Variants in HERC3 observed in about 807,000 individuals in gnomAD.
HERC3 encodes probable E3 ubiquitin-protein ligase HERC3.
HERC3 carries 58 observed loss-of-function variants against 129.9 expected under a neutral mutation model. That is an observed-to-expected ratio of 0.45 (90% CI 0.36 to 0.56). The LOEUF (loss-of-function observed/expected upper bound fraction) is 0.56, where lower values mean the gene tolerates loss of function less well. Ranked by LOEUF, HERC3 falls within the 20% of genes least tolerant of loss-of-function variation. The pLI, the probability that HERC3 is intolerant of heterozygous loss-of-function variation, is 0.00. For missense variants in HERC3, 835 were observed against 1,244.2 expected (o/e 0.67, Z 4.95); for synonymous variants, 430 against 451.0 (o/e 0.95, Z 0.59).
At chr4:88,648,819 C>A (rs1728963393) in intron 3 of HERC3, among the ~76,000 whole-genome samples, 1 of 151,452 alleles carries the variant, frequency 6.6e-6, no homozygotes, top group South Asian at 2.1e-4. Flanking sequence ...TATCTTTTTT[C>A]CCCTTCTGAT....
At chr4:88,641,435 A>G (rs1025349778) in intron 3 of HERC3, among the ~76,000 whole-genome samples, 2 of 152,250 alleles carry the variant, frequency 1.3e-5, no homozygotes, top group Admixed American at 1.3e-4. Flanking sequence ...GAAGATAAGT[A>G]CAAGGAAAGA....
intron 1 of HERC3, among the ~76,000 whole-genome samples, chr4:88,593,888 G>A (rs974915244): frequency 1.3e-5 from 2 of 152,192 alleles, no homozygotes; most frequent in Admixed American, 6.5e-5. Context: ...TTTACCCTGG[G>A]GGAGGAGGGA....
chr4:88,602,745 G>A (rs1371518232), intron 2 of HERC3, among the ~76,000 whole-genome samples: 1 of 152,152 alleles, frequency 6.6e-6, no homozygotes, highest in Non-Finnish European at 1.5e-5. Flanking sequence ...CTCCCAAAGT[G>A]TTAGGATCAC....
intron 23 of HERC3, chr4:88,689,997 A>G (rs1472504676): frequency 1.0e-6 from 1 of 985,250 alleles, no homozygotes; most frequent in African/African-American, 1.7e-5. Flanking sequence ...GCTTTGGGGA[A>G]AGTGAGCTAT....
At chr4:88,602,555 GA>G (rs1345600839) in intron 2 of HERC3, among the ~76,000 whole-genome samples, 1 of 152,002 alleles carries the variant, frequency 6.6e-6, no homozygotes, top group African/African-American at 2.4e-5. Context: ...ACAGCTCACT[GA>G]AACCTTGACC....
At chr4:88,637,898 T>C (rs1727606901) in intron 3 of HERC3, among the ~76,000 whole-genome samples, 1 of 151,858 alleles carries the variant, frequency 6.6e-6, no homozygotes, top group South Asian at 2.1e-4. Flanking sequence ...TAAAAAACAA[T>C]AAAGGGGATA....
At chr4:88,539,633 T>A in the HERC3 span, among the ~76,000 whole-genome samples, 1 of 152,158 alleles carries the variant, frequency 6.6e-6, no homozygotes, top group Non-Finnish European at 1.5e-5. Context: ...GACTCTTGTG[T>A]TGCCTGACTG....
chr4:88,536,042 A>T, the HERC3 span, among the ~76,000 whole-genome samples: 1 of 152,192 alleles, frequency 6.6e-6, no homozygotes, highest in Non-Finnish European at 1.5e-5. Context: ...TAATAGTTTA[A>T]CAAATTAGTT....
chr4:88,590,161 G>A (rs543104942), upstream of HERC3, among the ~76,000 whole-genome samples: 13 of 151,514 alleles, frequency 8.6e-5, no homozygotes, highest in African/African-American at 2.9e-4. Context: ...CCAGCTACTC[G>A]GGAGGCTGAG....
chr4:88,548,671 T>C, the HERC3 span, among the ~76,000 whole-genome samples: 1 of 151,858 alleles, frequency 6.6e-6, no homozygotes, highest in Non-Finnish European at 1.5e-5. Context: ...TTTCTTTTTT[T>C]TTTTTTTGAG....
chr4:88,616,591 T>C (rs1724922597), intron 3 of HERC3, among the ~76,000 whole-genome samples: 1 of 152,224 alleles, frequency 6.6e-6, no homozygotes, highest in East Asian at 1.9e-4. Context: ...CCTGAAAGAA[T>C]GCAAGTGATT....
rs1251424647 is a variant in HERC3 at position 88,687,203 on chromosome 4, C to T, written c.2575-14C>T. 2 of 1,589,252 alleles carry T rather than the reference C, an allele frequency of 1.3e-6. No homozygotes were observed. Among genetic ancestry groups the T allele is most frequent in the African/African-American group, 1.3e-5 (1 of 74,080 alleles). ...ACAAAATTGAAATATTTCTTTTTTC[C>T]ACCTTAAATATAGATCTGCCGAGAA... On this transcript the variant is annotated splice_polypyrimidine_tract_variant and intron_variant, in intron 22 of 25. Transcript: ENST00000402738.
the HERC3 span, among the ~76,000 whole-genome samples, chr4:88,579,219 TAA>T: frequency 4.3e-5 from 5 of 117,072 alleles, no homozygotes; most frequent in African/African-American, 1.3e-4. Flanking sequence ...CTGTCTCTAC[TAA>T]AAAAAAAAAA....
chr4:88,678,090 G>A lies in HERC3; in HGVS notation c.2152G>A (p.Glu718Lys). 1 of 1,613,992 alleles carries A rather than the reference G, an allele frequency of 6.2e-7. No individual in the cohort carries two copies. The highest frequency in any genetic ancestry group is 8.5e-7 in the Non-Finnish European group (1 of 1,180,000). Residue 718 changes from glutamate (E) to lysine (K), a missense_variant, in exon 19 of 26, where the codon GAG becomes AAG. Glu to Lys is a moderately conservative substitution (Grantham distance 56). Coordinates refer to ENST00000402738, the MANE Select transcript of HERC3 (RefSeq NM_014606.3). The stretch of plus-strand genomic sequence containing the variant: ...CAACCTTGTTGGAGATGCCCTAAGA[G>A]AGCTGAGCATTCATTCTGATATTGA... The part of the protein sequence containing the change: ...RNNLVGDALR[E>K]LSIHSDIDLK...
intron 3 of HERC3, among the ~76,000 whole-genome samples, chr4:88,649,192 A>G (rs1729009670): frequency 6.6e-6 from 1 of 152,110 alleles, no homozygotes. Context: ...TGCTAACGTG[A>G]GTGGAGCTGT....
intron 3 of HERC3, among the ~76,000 whole-genome samples, chr4:88,617,175 CAA>C (rs1162260456): frequency 9.4e-5 from 3 of 31,888 alleles, no homozygotes; most frequent in African/African-American, 2.0e-4. Flanking sequence ...ACCCTGTCTC[CAA>C]AAAAAAAAAA....
chr4:88,584,576 T>C, the HERC3 span, among the ~76,000 whole-genome samples: 2 of 152,226 alleles, frequency 1.3e-5, no homozygotes, highest in Non-Finnish European at 2.9e-5. Context: ...CATGAGGGCT[T>C]AGTTGTCACA....
chr4:88,593,446 T>C (rs1721976849), intron 1 of HERC3: 1 of 152,272 alleles, frequency 6.6e-6, no homozygotes, highest in African/African-American at 2.4e-5. Context: ...CAGTACCTAA[T>C]GCGACTGTGC....
the HERC3 span, among the ~76,000 whole-genome samples, chr4:88,571,545 A>C: frequency 6.6e-6 from 1 of 152,216 alleles, no homozygotes; most frequent in Non-Finnish European, 1.5e-5. Context: ...TTGGTATGCA[A>C]ACTAGACAGC....
Sources: allele counts gnomAD v4.1 joint callset (sites outside exome capture counted in the v4.1 genomes callset), GRCh38; gene constraint gnomAD v4.1.1; transcripts MANE v1.5; gene names NCBI Gene and HGNC (gene_info 2026-07-23, HGNC 2026-07-21).